RBFOX1: variants seen among roughly 807,000 people sequenced by gnomAD.
RBFOX1 encodes the protein RNA binding fox-1 homolog 1, also known as RNA binding protein fox-1 homolog 1.
Under a neutral mutation model 57.7 loss-of-function variants are expected in RBFOX1, and 8 were observed. The observed-to-expected ratio is 0.14, with a 90% CI of 0.08 to 0.25. The LOEUF is 0.25. Among genes scored for constraint, RBFOX1 ranks in the 10% least tolerant of loss-of-function variants. RBFOX1 has a pLI of 1.00. For missense variants in RBFOX1, 611 were observed against 548.5 expected (o/e 1.11, Z -1.14); for synonymous variants, 326 against 222.4 (o/e 1.47, Z -4.15).
chr16:7,073,789 A>G (rs2057803024), intron 4 of RBFOX1, among the ~76,000 whole-genome samples: 1 of 152,168 alleles, frequency 6.6e-6, no homozygotes, highest in Non-Finnish European at 1.5e-5. Context: ...TTTGAGCCCA[A>G]GAGGTCAGAG....
At chr16:7,670,639 G>C (rs2071095822) in intron 13 of RBFOX1, among the ~76,000 whole-genome samples, 1 of 152,160 alleles carries the variant, frequency 6.6e-6, no homozygotes. Context: ...ATGTTATCAG[G>C]CATCGCTCCG....
chr16:7,049,686 T>A (rs542000726), intron 3 of RBFOX1, among the ~76,000 whole-genome samples: 5 of 152,162 alleles, frequency 3.3e-5, no homozygotes, highest in Admixed American at 1.3e-4. Flanking sequence ...GGTCGTTTTG[T>A]TCCCCCCTCC....
chr16:5,868,683 G>A (rs1005524184), intron 4 of RBFOX1, among the ~76,000 whole-genome samples: 3 of 152,208 alleles, frequency 2.0e-5, no homozygotes, highest in African/African-American at 4.8e-5. Context: ...AGGGATTTGG[G>A]AAGCACAAGG....
At chr16:7,419,770 G>A (rs2098521934) in intron 4 of RBFOX1, among the ~76,000 whole-genome samples, 1 of 152,126 alleles carries the variant, frequency 6.6e-6, no homozygotes, top group Non-Finnish European at 1.5e-5. Flanking sequence ...CCTCCTATCT[G>A]GTTGTAATTA....
intron 2 of RBFOX1, among the ~76,000 whole-genome samples, chr16:6,465,958 G>T (rs188434308): frequency 1.3e-5 from 2 of 151,996 alleles, no homozygotes; most frequent in East Asian, 3.9e-4. Context: ...ACTGGGTGTC[G>T]TGGCTCATGC....
intron 1 of RBFOX1, among the ~76,000 whole-genome samples, chr16:6,122,794 GTGTGTGTA>G (rs1437220689): frequency 8.9e-6 from 1 of 112,306 alleles, no homozygotes; most frequent in Non-Finnish European, 1.8e-5. Flanking sequence ...GTGTGGCTAT[GTGTGTGTA>G]TGTGTGTGTG....
chr16:6,637,513 G>C (rs1355325937), intron 2 of RBFOX1, among the ~76,000 whole-genome samples: 1 of 85,802 alleles, frequency 1.2e-5, no homozygotes, highest in African/African-American at 4.5e-5. Context: ...ATTCTATATA[G>C]TATATATAAT....
chr16:6,762,394 T>C (rs1031664057), intron 3 of RBFOX1, among the ~76,000 whole-genome samples: 2 of 152,130 alleles, frequency 1.3e-5, no homozygotes, highest in Non-Finnish European at 2.9e-5. Context: ...AGGTAAATAT[T>C]AGCAAACAGT....
intron 14 of RBFOX1, among the ~76,000 whole-genome samples, chr16:7,695,727 C>A (rs1227753686): frequency 6.6e-6 from 1 of 151,642 alleles, no homozygotes; most frequent in Admixed American, 6.6e-5. Context: ...TGAGCTCTCA[C>A]CTCCTTATAA....
chr16:6,485,952 G>GT (rs2095471138), intron 2 of RBFOX1, among the ~76,000 whole-genome samples: 2 of 150,460 alleles, frequency 1.3e-5, no homozygotes, highest in Non-Finnish European at 3.0e-5. Context: ...AACAAAAATA[G>GT]TTTTTCTTTT....
intron 4 of RBFOX1, among the ~76,000 whole-genome samples, chr16:5,975,970 C>T (rs1273622592): frequency 6.6e-6 from 1 of 151,900 alleles, no homozygotes; most frequent in African/African-American, 2.4e-5. Context: ...ACGGTGAAAC[C>T]CCATCTCTGC....
chr16:5,892,440 G>C (rs907232856), intron 4 of RBFOX1, among the ~76,000 whole-genome samples: 2 of 152,100 alleles, frequency 1.3e-5, no homozygotes, highest in African/African-American at 4.8e-5. Context: ...TCTAGACTAG[G>C]GGTAATGGTA....
intron 3 of RBFOX1, among the ~76,000 whole-genome samples, chr16:6,958,291 T>C (rs2082278746): frequency 1.3e-5 from 2 of 152,212 alleles, no homozygotes; most frequent in African/African-American, 4.8e-5. Context: ...GAGGCAATTA[T>C]TCCAACACAC....
chr16:6,779,897 A>T (rs868096996), intron 3 of RBFOX1, among the ~76,000 whole-genome samples: 1 of 12,912 alleles, frequency 7.7e-5, no homozygotes, highest in Non-Finnish European at 1.4e-4. Context: ...ATTTATATAT[A>T]TTTATATATA....
At chr16:7,470,021 T>TG (rs892001888) in intron 4 of RBFOX1, among the ~76,000 whole-genome samples, 2 of 152,162 alleles carry the variant, frequency 1.3e-5, no homozygotes, top group African/African-American at 4.8e-5. Context: ...GGGTCAGTTT[T>TG]TTTTTTTTTT....
intron 1 of RBFOX1, among the ~76,000 whole-genome samples, chr16:6,060,324 G>T (rs2095669221): frequency 6.6e-6 from 1 of 151,970 alleles, no homozygotes; most frequent in African/African-American, 2.4e-5. Flanking sequence ...AATAATAGCA[G>T]ATACTGTCTA....
intron 3 of RBFOX1, among the ~76,000 whole-genome samples, chr16:6,674,757 G>C (rs189881687): frequency 6.6e-6 from 1 of 152,176 alleles, no homozygotes; most frequent in Non-Finnish European, 1.5e-5. Context: ...CTGGCCACCA[G>C]CAGAAGCTAC....
rs79242069 is a variant in RBFOX1 at position 5,400,044 on chromosome 16, C to G, written c.220-67172C>G. ...CCAGGTACTCATCACCTGGAGCTGA[C>G]ACTCATCATTCCATTGCTTGCTTTT... On this transcript the variant is annotated intron_variant, in intron 1 of 2. Transcript: ENST00000585867. Among the ~76,000 whole-genome samples, 300 of 152,202 alleles carry G rather than the reference C, an allele frequency of 2.0e-3. 3 individuals are homozygous for G. The highest frequency in any genetic ancestry group is 7.1e-3 in the African/African-American group (293 of 41,536).
intron 3 of RBFOX1, among the ~76,000 whole-genome samples, chr16:6,869,843 G>C (rs560506519): frequency 3.5e-4 from 53 of 152,078 alleles, no homozygotes; most frequent in Non-Finnish European, 6.2e-4. Flanking sequence ...TGCTTCACGG[G>C]AATCAGGAAT....
Sources: allele counts gnomAD v4.1 joint callset (sites outside exome capture counted in the v4.1 genomes callset), GRCh38; gene constraint gnomAD v4.1.1; transcripts MANE v1.5; gene names NCBI Gene and HGNC (gene_info 2026-07-23, HGNC 2026-07-21).